CACNA2D1: variants seen among roughly 807,000 people sequenced by gnomAD.
CACNA2D1 encodes calcium voltage-gated channel auxiliary subunit alpha2delta 1.
In CACNA2D1, 53 loss-of-function variants were observed where a neutral mutation model predicts 171.5. The ratio of observed to expected loss-of-function variants is 0.31; its 90% confidence interval spans 0.25 to 0.39. The LOEUF (loss-of-function observed/expected upper bound fraction) is 0.39, where lower values mean the gene tolerates loss of function less well. Among genes scored for constraint, CACNA2D1 ranks in the 10% least tolerant of loss-of-function variants. CACNA2D1 has a pLI of 1.00. For synonymous variants in CACNA2D1, 442 were observed against 443.1 expected, an observed-to-expected ratio of 1.00 and a Z score of 0.03; for missense variants, 903 against 1,299.8, an observed-to-expected ratio of 0.69 and a Z score of 4.69.
intron 3 of CACNA2D1, among the ~76,000 whole-genome samples, chr7:82,287,752 C>G (rs1295144894): frequency 6.6e-6 from 1 of 152,084 alleles, no homozygotes; most frequent in Admixed American, 6.6e-5. Flanking sequence ...AATGAGAGAA[C>G]AAATTATCAG....
intron 5 of CACNA2D1, among the ~76,000 whole-genome samples, chr7:82,124,528 G>T (rs1312273774): frequency 2.6e-5 from 4 of 152,060 alleles, no homozygotes; most frequent in Admixed American, 2.6e-4. Context: ...CCTCTGATTG[G>T]TCACTTTCTG....
At chr7:82,367,989 C>T (rs995017186) in intron 1 of CACNA2D1, among the ~76,000 whole-genome samples, 1 of 152,084 alleles carries the variant, frequency 6.6e-6, no homozygotes, top group Non-Finnish European at 1.5e-5. Context: ...AAAAGGATCA[C>T]TGTTTCCTCA....
At chr7:82,271,295 T>C (rs1297407591) in intron 3 of CACNA2D1, among the ~76,000 whole-genome samples, 2 of 152,130 alleles carry the variant, frequency 1.3e-5, no homozygotes, top group African/African-American at 4.8e-5. Flanking sequence ...ATGTACACAG[T>C]CATTCAATCT....
intron 6 of CACNA2D1, among the ~76,000 whole-genome samples, chr7:82,090,505 C>A (rs999663849): frequency 4.6e-5 from 7 of 151,850 alleles, no homozygotes; most frequent in African/African-American, 1.7e-4. Flanking sequence ...TACAGCCTTG[C>A]ATTGAGATAA....
intron 3 of CACNA2D1, among the ~76,000 whole-genome samples, chr7:82,220,820 C>T (rs540330200): frequency 2.0e-5 from 3 of 147,932 alleles, no homozygotes; most frequent in South Asian, 2.1e-4. Flanking sequence ...ACTCTGTCAC[C>T]GATGCTGCAG....
intron 2 of CACNA2D1, among the ~76,000 whole-genome samples, chr7:82,340,029 C>A (rs1041290128): frequency 6.6e-6 from 1 of 152,164 alleles, no homozygotes; most frequent in East Asian, 1.9e-4. Context: ...CAGGCCAACA[C>A]TGCTGGCTTT....
intron 3 of CACNA2D1, among the ~76,000 whole-genome samples, chr7:82,184,945 A>G (rs1351083165): frequency 6.6e-6 from 1 of 152,174 alleles, no homozygotes; most frequent in Non-Finnish European, 1.5e-5. Context: ...CATTTTACAA[A>G]GGAGTAAACA....
chr7:82,274,111 C>T (rs1040730345), intron 3 of CACNA2D1, among the ~76,000 whole-genome samples: 16 of 152,114 alleles, frequency 1.1e-4, no homozygotes, highest in Admixed American at 1.0e-3. Flanking sequence ...GATCTTGGAA[C>T]TCAAACAGCT....
chr7:82,161,384 AAAG>A (rs1794931106), intron 4 of CACNA2D1, among the ~76,000 whole-genome samples: 1 of 152,058 alleles, frequency 6.6e-6, no homozygotes, highest in African/African-American at 2.4e-5. Flanking sequence ...TGTGGATACC[AAAG>A]AATAGTGGAG....
At chr7:82,034,424 C>G (rs541061617) in intron 11 of CACNA2D1, among the ~76,000 whole-genome samples, 60 of 151,968 alleles carry the variant, frequency 3.9e-4, no homozygotes, top group African/African-American at 7.7e-4. Flanking sequence ...TCATCTCATT[C>G]CATGGACTCA....
chr7:82,181,729 G>A (rs1483288141), intron 3 of CACNA2D1, among the ~76,000 whole-genome samples: 1 of 152,112 alleles, frequency 6.6e-6, no homozygotes, highest in African/African-American at 2.4e-5. Context: ...ACCTTGTAAA[G>A]GAAACAGAAG....
chr7:82,191,943 A>G (rs1798337968), intron 3 of CACNA2D1, among the ~76,000 whole-genome samples: 1 of 151,862 alleles, frequency 6.6e-6, no homozygotes. Context: ...ATTATCATCT[A>G]TTGTGAGTGT....
intron 3 of CACNA2D1, among the ~76,000 whole-genome samples, chr7:82,303,287 G>A (rs1469252798): frequency 2.0e-5 from 3 of 152,084 alleles, no homozygotes; most frequent in Non-Finnish European, 2.9e-5. Flanking sequence ...GATTACAGGC[G>A]TGAGCCACCA....
rs944604370 is a variant in CACNA2D1, at chr7:82,003,944, C to T, written c.1590+1479G>A. Among the ~76,000 whole-genome samples the T allele has an allele frequency of 3.9e-5, 6 of 152,018 alleles. No individual in the cohort carries two copies. The East Asian group carries it at 1.2e-3, about 29-fold the overall frequency. Reference sequence around the variant, plus strand: ...ATTTTTAGTAGAGACAGGGTTTCACCATGTTGGCCAGGCTGGTCTCCAACT... The same window carrying T: ...ATTTTTAGTAGAGACAGGGTTTCACTATGTTGGCCAGGCTGGTCTCCAACT... On this transcript the variant is annotated intron_variant, in intron 18 of 38. Coordinates refer to ENST00000356860, the MANE Select transcript of CACNA2D1 (RefSeq NM_000722.4).
chr7:82,280,727 G>A (rs1809984645), intron 3 of CACNA2D1, among the ~76,000 whole-genome samples: 1 of 151,880 alleles, frequency 6.6e-6, no homozygotes, highest in Non-Finnish European at 1.5e-5. Context: ...TGATGCCCAG[G>A]CTGGAATGCA....
chr7:82,058,855 C>T (rs150213745), intron 10 of CACNA2D1, among the ~76,000 whole-genome samples: 1 of 152,070 alleles, frequency 6.6e-6, no homozygotes, highest in South Asian at 2.1e-4. Flanking sequence ...ACAGTTTATT[C>T]CCCAGAGAAT....
intron 5 of CACNA2D1, among the ~76,000 whole-genome samples, chr7:82,132,192 T>C (rs1001032859): frequency 3.3e-5 from 5 of 152,206 alleles, no homozygotes; most frequent in East Asian, 1.9e-4. Context: ...CATTTTACTA[T>C]AGAAAAATTA....
In CACNA2D1 at chr7:81,998,330, T is replaced by C. The variant is rs1326975042; in HGVS notation, c.1591-1080A>G. 3.3e-5 allele frequency among the ~76,000 whole-genome samples: 5 copies of C among 151,996 alleles called. No individual in the cohort carries two copies. In the East Asian group the frequency reaches 5.8e-4, roughly 18 times the overall value. ...ACAAACGCAAACTATGCTGGATTAGTGCAAAGGTCACTCAAACTTTAATAA... is the reference window on the plus strand; with the variant it reads ...ACAAACGCAAACTATGCTGGATTAGCGCAAAGGTCACTCAAACTTTAATAA... On this transcript the variant is annotated intron_variant, in intron 18 of 38. Coordinates refer to ENST00000356860, the MANE Select transcript of CACNA2D1 (RefSeq NM_000722.4).
intron 9 of CACNA2D1, among the ~76,000 whole-genome samples, chr7:82,063,557 AT>A (rs556864762): frequency 0.037 from 5,261 of 141,400 alleles, 106 homozygotes; most frequent in Middle Eastern, 0.046. Context: ...TGAGACAAAG[AT>A]TTTTTTTTTT....
Sources: allele counts gnomAD v4.1 joint callset (sites outside exome capture counted in the v4.1 genomes callset), GRCh38; gene constraint gnomAD v4.1.1; transcripts MANE v1.5; gene names NCBI Gene and HGNC (gene_info 2026-07-23, HGNC 2026-07-21).